Variants in KCNQ2 observed in about 807,000 individuals in gnomAD.
KCNQ2 encodes potassium voltage-gated channel subfamily KQT member 2.
KCNQ2 carries 14 observed loss-of-function variants against 84.8 expected under a neutral mutation model. The ratio of observed to expected loss-of-function variants is 0.17; its 90% CI spans 0.11 to 0.26. KCNQ2 has a LOEUF of 0.26. Among genes scored for constraint, KCNQ2 ranks in the 10% least tolerant of loss-of-function variants. The probability of loss-of-function intolerance (pLI) is 1.00; values close to 1 mark genes in which losing one functional copy is unlikely to be tolerated. For missense variants in KCNQ2, 788 were observed against 1,254.0 expected (o/e 0.63, Z 5.61); for synonymous variants, 599 against 554.1 (o/e 1.08, Z -1.14).
chr20:63,428,414 C>T lies in KCNQ2; in HGVS notation c.1170G>A (p.Gln390=). ...GASRLIPPLN[Q]LELLRNLKSK... ...TCTTGAGGTTCCTCAGCAGCTCCAG[C>T]TGGTTCAGCGGGGGGATAAGTCTGG... Residue 390 remains glutamine (Q), a synonymous_variant, in exon 10 of 17, where the codon CAG becomes CAA. Coordinates refer to ENST00000359125, the MANE Select transcript of KCNQ2 (RefSeq NM_172107.4). The T allele has an allele frequency of 6.3e-7, 1 of 1,590,400 alleles. No homozygotes were observed. The highest frequency in any genetic ancestry group is 8.6e-7 in the Non-Finnish European group (1 of 1,169,004).
chr20:63,463,055 C>CTGTGTGTG (rs10532345), intron 1 of KCNQ2, among the ~76,000 whole-genome samples: 84 of 148,016 alleles, frequency 5.7e-4, no homozygotes, highest in African/African-American at 1.8e-3. Flanking sequence ...GGTGTCTTTT[C>CTGTGTGTG]TGTGTGTGTG....
At chr20:63,411,706 C>T (rs568798630) in intron 15 of KCNQ2, 75 of 566,950 alleles carry the variant, frequency 1.3e-4, no homozygotes, top group African/African-American at 1.3e-3. Flanking sequence ...AAGGTGCTGC[C>T]GTCATGTGGC....
intron 1 of KCNQ2, among the ~76,000 whole-genome samples, chr20:63,456,302 G>A (rs1320237181): frequency 3.9e-5 from 6 of 152,064 alleles, no homozygotes; most frequent in East Asian, 1.9e-4. Context: ...CTCCTCACTC[G>A]CTTCATGCAC....
intron 12 of KCNQ2, among the ~76,000 whole-genome samples, chr20:63,415,889 CCTT>C (rs2080282218): frequency 6.6e-6 from 1 of 152,082 alleles, no homozygotes; most frequent in African/African-American, 2.4e-5. Context: ...CTGTCCCTCT[CCTT>C]CTGCCCCAGA....
chr20:63,443,295 C>CCCT (rs2081295882), intron 4 of KCNQ2, among the ~76,000 whole-genome samples: 1 of 44,588 alleles, frequency 2.2e-5, no homozygotes, highest in Non-Finnish European at 4.9e-5. Flanking sequence ...ACCATCATCA[C>CCCT]CACCACCATC....
At chr20:63,462,550 G>A (rs999904135) in intron 1 of KCNQ2, among the ~76,000 whole-genome samples, 2 of 152,224 alleles carry the variant, frequency 1.3e-5, no homozygotes, top group Admixed American at 6.5e-5. Context: ...CAGCCTGGAC[G>A]GGTTTCCACA....
intron 1 of KCNQ2, among the ~76,000 whole-genome samples, chr20:63,448,730 G>A (rs917654027): frequency 3.9e-5 from 6 of 152,196 alleles, no homozygotes; most frequent in Non-Finnish European, 7.3e-5. Flanking sequence ...CTGCAGGGCC[G>A]AGACTGGGCA....
chr20:63,407,290 T>C lies in KCNQ2; in HGVS notation c.1973A>G (p.Tyr658Cys), dbSNP rs375832562. The C allele has an allele frequency of 1.9e-6, 3 of 1,595,346 alleles. No individual in the cohort carries two copies. The highest frequency in any genetic ancestry group is 2.7e-5 in the African/African-American group (2 of 74,868). The stretch of plus-strand genomic sequence containing the variant: ...CGGCTCCGGCTCTTTGGCCCCAAAG[T>C]AGGCCTCGGTCTCTGTCGGGGGGAT... ...MGIPPTETEA[Y>C]FGAKEPEPAP... The change falls in exon 17 of 17, where the codon TAC becomes TGC. Residue 658 changes from tyrosine (Y) to cysteine (C), a missense_variant. Physicochemically the swap from Tyr to Cys is radical, Grantham distance 194. This residue lies in a region of KCNQ2 where 378 missense variants were observed against 434.5 expected (regional missense o/e 0.87). Transcript: ENST00000359125. The surrounding 1 kb of genome is among the most constrained non-coding windows in gnomAD (Gnocchi z 7.2).
Position 63,414,225 on chromosome 20 carries a change from G to A in KCNQ2, c.1526-32C>T, listed in dbSNP as rs746275605. 1.4e-5 allele frequency: 21 copies of A among 1,515,996 alleles called. No individual in the cohort carries two copies. The African/African-American group carries it at 1.9e-4, about 14-fold the overall frequency. 93.9% of individuals were successfully genotyped at this position (1,515,996 alleles called of 1,614,324 possible). On this transcript the variant is annotated intron_variant, in intron 13 of 16. Coordinates refer to ENST00000359125, the MANE Select transcript of KCNQ2 (RefSeq NM_172107.4). The surrounding 1 kb of genome is among the most constrained non-coding windows in gnomAD (Gnocchi z 6.6). ...GGAAGGAGACAGGCCGTGAGGGGCC[G>A]AGGGGGCCGGGAGACCTATTCCCGG...
chr20:63,433,629 C>G, intron 8 of KCNQ2, 180 bp downstream of exon 8: 2 of 1,175,498 alleles, frequency 1.7e-6, no homozygotes, highest in Non-Finnish European at 2.4e-6. Context: ...AGCCGCAGCT[C>G]TAACACAAAG....
chr20:63,418,116 A>T (rs1001623594), intron 12 of KCNQ2, among the ~76,000 whole-genome samples: 1 of 151,868 alleles, frequency 6.6e-6, no homozygotes, highest in Admixed American at 6.6e-5. Flanking sequence ...TGCTGCAGAC[A>T]CCCGACCCCG....
At chr20:63,440,692 C>T (rs1434969433) in intron 5 of KCNQ2, among the ~76,000 whole-genome samples, 3 of 152,196 alleles carry the variant, frequency 2.0e-5, no homozygotes, top group Non-Finnish European at 2.9e-5. Flanking sequence ...GTTCCGAGGA[C>T]GCTGCTGTGT....
intron 1 of KCNQ2, among the ~76,000 whole-genome samples, chr20:63,455,644 C>T (rs1052719935): frequency 2.6e-5 from 4 of 152,102 alleles, no homozygotes; most frequent in Non-Finnish European, 5.9e-5. Context: ...CAGAGGGGTG[C>T]CCAGTTAAGG....
chr20:63,444,468 G>A (rs568073752), intron 4 of KCNQ2, among the ~76,000 whole-genome samples, 191 bp downstream of exon 4: 46 of 152,282 alleles, frequency 3.0e-4, no homozygotes, highest in African/African-American at 1.0e-3. Flanking sequence ...CCCAAGTCAC[G>A]AGAAGAAGCA....
At chr20:63,443,448 CCAT>C (rs2081316668) in intron 4 of KCNQ2, among the ~76,000 whole-genome samples, 10 of 42,340 alleles carry the variant, frequency 2.4e-4, no homozygotes, top group African/African-American at 3.7e-4. Flanking sequence ...ATCACCACCA[CCAT>C]CACCATCACC....
intron 10 of KCNQ2, among the ~76,000 whole-genome samples, chr20:63,427,098 T>C (rs769150402): frequency 4.6e-5 from 7 of 152,232 alleles, no homozygotes; most frequent in Non-Finnish European, 7.3e-5. Flanking sequence ...AGCAGGTGTC[T>C]GTAATCCCAG....
chr20:63,431,980 G>T (rs8184382), intron 8 of KCNQ2, among the ~76,000 whole-genome samples: 27 of 115,006 alleles, frequency 2.3e-4, no homozygotes, highest in South Asian at 3.0e-4. Flanking sequence ...GGCCCCACCC[G>T]CAGGGAAGGC....
intron 10 of KCNQ2, among the ~76,000 whole-genome samples, chr20:63,427,455 G>A (rs1040536252): frequency 4.6e-5 from 7 of 152,258 alleles, no homozygotes; most frequent in Non-Finnish European, 7.3e-5. Context: ...AACGGCTCCT[G>A]TAACTAAGTG....
intron 11 of KCNQ2, among the ~76,000 whole-genome samples, chr20:63,423,358 G>T (rs998294592): frequency 2.0e-5 from 3 of 152,166 alleles, no homozygotes; most frequent in Non-Finnish European, 4.4e-5. Flanking sequence ...GGTCCAAGGG[G>T]CCAGATTTAC....
Sources: gnomAD v4.1 joint callset for allele counts (sites outside exome capture counted in the v4.1 genomes callset) on GRCh38, gnomAD v4.1.1 for gene constraint, gnomAD v4.1.1 regional missense constraint, Gnocchi (gnomAD v3.1) non-coding constraint, MANE v1.5 for transcripts, NCBI Gene and HGNC (gene_info 2026-07-23, HGNC 2026-07-21) for gene names.